Variants in SPAG16 observed in about 807,000 individuals in gnomAD.
SPAG16 encodes the protein sperm associated antigen 16.
SPAG16 carries 86 observed loss-of-function variants against 80.4 expected under a neutral mutation model. The ratio of observed to expected loss-of-function variants is 1.07; its 90% confidence interval spans 0.90 to 1.28. SPAG16 has a LOEUF of 1.28. Among genes scored for constraint, SPAG16 ranks in the 50% most tolerant of loss-of-function variants. The probability of loss-of-function intolerance (pLI) is 0.00; values close to 1 mark genes in which losing one functional copy is unlikely to be tolerated. For synonymous variants in SPAG16, 294 were observed against 265.9 expected, an observed-to-expected ratio of 1.11 and a Z score of -1.03; for missense variants, 870 against 765.3, an observed-to-expected ratio of 1.14 and a Z score of -1.61.
intron 10 of SPAG16, among the ~76,000 whole-genome samples, chr2:213,830,538 G>C (rs974678502): frequency 6.6e-5 from 10 of 152,190 alleles, no homozygotes; most frequent in Admixed American, 6.5e-4. Flanking sequence ...CCTGCAGGAA[G>C]GATAATTGGT....
intron 12 of SPAG16, among the ~76,000 whole-genome samples, chr2:214,001,942 A>C (rs1208862008): frequency 6.6e-6 from 1 of 152,210 alleles, no homozygotes; most frequent in East Asian, 1.9e-4. Context: ...TAATGGACTC[A>C]CAGTTCCATG....
intron 9 of SPAG16, among the ~76,000 whole-genome samples, chr2:213,376,151 G>A (rs12471142): frequency 0.2 from 30,154 of 151,030 alleles, 3,716 homozygotes; most frequent in Middle Eastern, 0.34. Context: ...ATAGATTATC[G>A]TATGTGAGGT....
intron 10 of SPAG16, among the ~76,000 whole-genome samples, chr2:213,659,669 G>A (rs969028011): frequency 6.6e-6 from 1 of 152,088 alleles, no homozygotes; most frequent in Admixed American, 6.5e-5. Context: ...ACACATTTAA[G>A]CACAGTAAAC....
In SPAG16 at chr2:213,859,214, AAAC is replaced by A. The variant is rs1349467456; in HGVS notation, c.1071-3270_1071-3268del. On this transcript the variant is annotated intron_variant, in intron 10 of 15. Transcript: ENST00000331683. The stretch of plus-strand genomic sequence containing the variant: ...AAAAAAAAAAAAAAAAAAAAAAAAA[AAAC>A]TCAATGTCCTCTGACAACTTGATGT... Among the ~76,000 whole-genome samples the A allele has an allele frequency of 9.7e-4, 106 of 109,152 alleles. 32 individuals are homozygous for A. Among genetic ancestry groups the A allele is most frequent in the Non-Finnish European group, 1.2e-3 (63 of 52,978 alleles). 71.6% of individuals were successfully genotyped at this position (109,152 alleles called of 152,430 possible).
chr2:213,572,464 C>T (rs2059946263), intron 10 of SPAG16, among the ~76,000 whole-genome samples: 1 of 148,500 alleles, frequency 6.7e-6, no homozygotes, highest in African/African-American at 2.5e-5. Context: ...ACAGACAGGA[C>T]CCTCAGCTGC....
chr2:214,170,145 TA>T (rs998214566), intron 15 of SPAG16, among the ~76,000 whole-genome samples: 6 of 151,794 alleles, frequency 4.0e-5, no homozygotes, highest in African/African-American at 1.4e-4. Flanking sequence ...TTTCTGTCAT[TA>T]AAAAAATGCC....
chr2:213,754,022 T>G (rs1043299048), intron 10 of SPAG16, among the ~76,000 whole-genome samples: 3 of 152,212 alleles, frequency 2.0e-5, no homozygotes, highest in African/African-American at 7.2e-5. Context: ...TCTTGAGAGT[T>G]AATTCTAACC....
At chr2:213,836,016 T>C (rs2074051110) in intron 10 of SPAG16, among the ~76,000 whole-genome samples, 1 of 152,178 alleles carries the variant, frequency 6.6e-6, no homozygotes, top group Non-Finnish European at 1.5e-5. Context: ...TTTCTTTATA[T>C]GAGACAAATT....
At chr2:213,419,567 A>G (rs2069468555) in intron 9 of SPAG16, among the ~76,000 whole-genome samples, 1 of 152,198 alleles carries the variant, frequency 6.6e-6, no homozygotes, top group South Asian at 2.1e-4. Context: ...TCTGGCAGGC[A>G]TTCAAGATAT....
intron 13 of SPAG16, among the ~76,000 whole-genome samples, chr2:214,096,329 A>G (rs972013331): frequency 6.6e-6 from 1 of 151,744 alleles, no homozygotes; most frequent in Non-Finnish European, 1.5e-5. Context: ...TCTGCCAAGT[A>G]CTTTGGTTCA....
At chr2:213,682,651 A>G (rs2064455048) in intron 10 of SPAG16, among the ~76,000 whole-genome samples, 1 of 152,048 alleles carries the variant, frequency 6.6e-6, no homozygotes. Flanking sequence ...CTCTGGACAG[A>G]GGGTAGGTTA....
intron 10 of SPAG16, among the ~76,000 whole-genome samples, chr2:213,544,258 T>C (rs2076543656): frequency 6.6e-6 from 1 of 152,090 alleles, no homozygotes. Flanking sequence ...AAACTGTTAT[T>C]CCTGCATAAT....
At chr2:213,623,599 A>G (rs1056085318) in intron 10 of SPAG16, among the ~76,000 whole-genome samples, 1 of 152,142 alleles carries the variant, frequency 6.6e-6, no homozygotes, top group African/African-American at 2.4e-5. Context: ...GATGATGTGC[A>G]TTGATTTGAA....
intron 11 of SPAG16, among the ~76,000 whole-genome samples, chr2:213,906,490 A>C (rs12622627): frequency 1.3e-5 from 2 of 151,984 alleles, no homozygotes; most frequent in Non-Finnish European, 2.9e-5. Context: ...TACCAATTAC[A>C]TTATTCACAG....
At chr2:213,332,066 TGAA>T (rs1232711723) in intron 5 of SPAG16, among the ~76,000 whole-genome samples, 3 of 151,874 alleles carry the variant, frequency 2.0e-5, no homozygotes, top group Non-Finnish European at 2.9e-5. Context: ...GAATTTGAAA[TGAA>T]GAAAGCAATA....
chr2:214,408,751 G>A (rs1470946951), intron 15 of SPAG16, among the ~76,000 whole-genome samples: 1 of 152,102 alleles, frequency 6.6e-6, no homozygotes, highest in Admixed American at 6.6e-5. Context: ...ATGCTATGCT[G>A]GCTGTGGAAA....
At chr2:213,982,001 CA>C (rs1367252898) in intron 12 of SPAG16, among the ~76,000 whole-genome samples, 3 of 151,146 alleles carry the variant, frequency 2.0e-5, no homozygotes, top group Non-Finnish European at 4.4e-5. Context: ...GAGCTTACAA[CA>C]GAGACATAGA....
chr2:213,889,551 T>C (rs1449207840), intron 11 of SPAG16, among the ~76,000 whole-genome samples: 1 of 151,282 alleles, frequency 6.6e-6, no homozygotes, highest in Non-Finnish European at 1.5e-5. Flanking sequence ...CAAAGGGGGC[T>C]GTTCTCTGGC....
At chr2:213,679,728 T>G (rs954139665) in intron 10 of SPAG16, among the ~76,000 whole-genome samples, 1 of 152,180 alleles carries the variant, frequency 6.6e-6, no homozygotes, top group African/African-American at 2.4e-5. Context: ...ATTTTTAAAA[T>G]GAATTTGATA....
Sources: allele counts gnomAD v4.1 joint callset (sites outside exome capture counted in the v4.1 genomes callset), GRCh38; gene constraint gnomAD v4.1.1; transcripts MANE v1.5; gene names NCBI Gene and HGNC (gene_info 2026-07-23, HGNC 2026-07-21).